Variants in FBXO34 observed in about 807,000 individuals in gnomAD.
FBXO34 encodes the protein F-box protein 34.
A neutral mutation model predicts 24.5 loss-of-function variants in FBXO34; 12 were observed. The observed-to-expected ratio is 0.49, with a 90% CI of 0.31 to 0.79. The LOEUF is 0.79. Ranked by LOEUF, FBXO34 falls within the 30% of genes least tolerant of loss-of-function variation. The pLI, the probability that FBXO34 is intolerant of heterozygous loss-of-function variation, is 0.04. For synonymous variants in FBXO34, 320 were observed against 311.9 expected (o/e 1.03, Z -0.27); for missense variants, 823 against 857.7 (o/e 0.96, Z 0.51).
the FBXO34 span, among the ~76,000 whole-genome samples, chr14:55,395,591 G>A: frequency 1.3e-5 from 2 of 152,194 alleles, no homozygotes; most frequent in Non-Finnish European, 2.9e-5. Context: ...CCCACTCCAA[G>A]ATTATGTAAA....
intron 3 of FBXO34, among the ~76,000 whole-genome samples, chr14:55,361,188 T>TA (rs1260266021): frequency 6.6e-6 from 1 of 152,116 alleles, no homozygotes; most frequent in Non-Finnish European, 1.5e-5. Flanking sequence ...AAGTCAAAAT[T>TA]ACTCCTTGAG....
the FBXO34 span, among the ~76,000 whole-genome samples, chr14:55,416,290 C>G: frequency 6.6e-6 from 1 of 152,018 alleles, no homozygotes; most frequent in Non-Finnish European, 1.5e-5. Flanking sequence ...TCCTTATAAG[C>G]TTAATTTTTT....
chr14:55,368,427 C>G (rs1402078440), downstream of FBXO34: 1 of 152,250 alleles, frequency 6.6e-6, no homozygotes, highest in African/African-American at 2.4e-5. Flanking sequence ...ACCATGTTAG[C>G]CAGGCTGCTC....
chr14:55,373,388 A>G (rs1180280108), downstream of FBXO34, among the ~76,000 whole-genome samples: 3 of 152,198 alleles, frequency 2.0e-5, no homozygotes, highest in Non-Finnish European at 4.4e-5. Context: ...GAAACTGCAC[A>G]AAGGATAAGC....
chr14:55,328,721 G>A (rs1057386718), intron 1 of FBXO34, among the ~76,000 whole-genome samples: 1 of 152,212 alleles, frequency 6.6e-6, no homozygotes, highest in Non-Finnish European at 1.5e-5. Context: ...GGAGAAACAC[G>A]TAGGTAATGT....
the FBXO34 span, among the ~76,000 whole-genome samples, chr14:55,395,483 G>T: frequency 1.3e-5 from 2 of 152,210 alleles, no homozygotes; most frequent in Admixed American, 1.3e-4. Context: ...CTCCCAAGTA[G>T]CTGGGATTAC....
chr14:55,294,095 A>C (rs182902662), intron 1 of FBXO34, among the ~76,000 whole-genome samples: 62 of 152,084 alleles, frequency 4.1e-4, no homozygotes, highest in Non-Finnish European at 7.8e-4. Context: ...TGATCACCCT[A>C]CTTAAAATTA....
chr14:55,320,077 C>T (rs1883076208), intron 1 of FBXO34, among the ~76,000 whole-genome samples: 1 of 152,120 alleles, frequency 6.6e-6, no homozygotes, highest in South Asian at 2.1e-4. Flanking sequence ...AAAATGTATG[C>T]AATTGGACCG....
At chr14:55,414,108 T>C in the FBXO34 span, 3 of 560,732 alleles carry the variant, frequency 5.4e-6, no homozygotes, top group African/African-American at 5.6e-5. Flanking sequence ...GGAAACGCAT[T>C]GAGTCTTCAT....
chr14:55,303,596 CTT>C (rs77688856), intron 1 of FBXO34, among the ~76,000 whole-genome samples: 4 of 139,278 alleles, frequency 2.9e-5, no homozygotes, highest in Non-Finnish European at 4.7e-5. Context: ...CCATTCTTAT[CTT>C]TTTTTTTTTT....
At chr14:55,422,837 A>G in the FBXO34 span, among the ~76,000 whole-genome samples, 1 of 152,160 alleles carries the variant, frequency 6.6e-6, no homozygotes, top group Admixed American at 6.5e-5. Flanking sequence ...TGGGCAACAG[A>G]GTGAGACTCT....
At chr14:55,273,492 A>G (rs1445214364) in intron 1 of FBXO34, among the ~76,000 whole-genome samples, 1 of 152,186 alleles carries the variant, frequency 6.6e-6, no homozygotes, top group Non-Finnish European at 1.5e-5. Context: ...TTATGCTGAC[A>G]GTGTTGAGTG....
chr14:55,369,958 A>G (rs1394285568), downstream of FBXO34: 1 of 1,543,754 alleles, frequency 6.5e-7, no homozygotes. Context: ...TCTTTAGGAT[A>G]ACAACCATTC....
chr14:55,315,174 T>C (rs200905915), intron 1 of FBXO34, among the ~76,000 whole-genome samples: 1 of 152,370 alleles, frequency 6.6e-6, no homozygotes, highest in African/African-American at 2.4e-5. Flanking sequence ...CATGTAGTAA[T>C]TGTGACTACT....
chr14:55,413,665 C>G, the FBXO34 span: 4 of 364,384 alleles, frequency 1.1e-5, no homozygotes, highest in Non-Finnish European at 2.1e-5. Context: ...ACTCAGACAC[C>G]TCTCCCTTTG....
chr14:55,357,115 C>A (rs1202259962), downstream of FBXO34, among the ~76,000 whole-genome samples: 1 of 152,192 alleles, frequency 6.6e-6, no homozygotes, highest in African/African-American at 2.4e-5. Flanking sequence ...CTGATGTTTG[C>A]ACAACCTCTT....
chr14:55,440,739 G>T, the FBXO34 span: 1 of 576,800 alleles, frequency 1.7e-6, no homozygotes, highest in Non-Finnish European at 2.9e-6. Flanking sequence ...ACCCCACTCT[G>T]CCCGCAGCTG....
chr14:55,323,202 A>T (rs1204809508), intron 1 of FBXO34, among the ~76,000 whole-genome samples: 14 of 32,908 alleles, frequency 4.3e-4, no homozygotes, highest in Admixed American at 7.5e-4. Flanking sequence ...AAAAAAAAAA[A>T]AAAAAAAAAA....
chr14:55,411,856 TTTG>T, the FBXO34 span: 1 of 1,546,512 alleles, frequency 6.5e-7, no homozygotes, highest in Non-Finnish European at 8.7e-7. Context: ...CACGTGGGAT[TTTG>T]TTTTCAACCG....
Sources: allele counts gnomAD v4.1 joint callset (sites outside exome capture counted in the v4.1 genomes callset), GRCh38; gene constraint gnomAD v4.1.1; transcripts MANE v1.5; gene names NCBI Gene and HGNC (gene_info 2026-07-23, HGNC 2026-07-21).